Variants in AMPH observed in about 807,000 individuals in gnomAD.
The protein encoded by AMPH is amphiphysin (Stiff-Mann syndrome with breast cancer 128kD autoantigen).
Under a neutral mutation model 99.1 loss-of-function variants are expected in AMPH, and 49 were observed. That is an observed-to-expected ratio of 0.49 (90% confidence interval 0.39 to 0.63). The LOEUF is 0.63. Among genes scored for constraint, AMPH ranks in the 20% least tolerant of loss-of-function variants. The pLI, the probability that AMPH is intolerant of heterozygous loss-of-function variation, is 0.00. For missense variants in AMPH, 759 were observed against 863.4 expected (o/e 0.88, Z 1.52); for synonymous variants, 314 against 317.3 (o/e 0.99, Z 0.11).
intron 20 of AMPH, among the ~76,000 whole-genome samples, 176 bp from the exon 21 acceptor site, chr7:38,385,101 T>TAA (rs34834299): frequency 2.5e-4 from 36 of 143,964 alleles, no homozygotes; most frequent in South Asian, 6.6e-4. Context: ...AGTTGTTAGT[T>TAA]AAAAAAAAAA....
chr7:38,465,798 A>G (rs1787629920), intron 8 of AMPH, among the ~76,000 whole-genome samples: 1 of 152,256 alleles, frequency 6.6e-6, no homozygotes, highest in African/African-American at 2.4e-5. Flanking sequence ...GGCAGAAAAC[A>G]AAAGCTTACT....
chr7:38,556,996 T>C (rs1442585321), intron 1 of AMPH, among the ~76,000 whole-genome samples: 1 of 152,136 alleles, frequency 6.6e-6, no homozygotes, highest in Non-Finnish European at 1.5e-5. Context: ...AATACTATGC[T>C]TCAGTTCATT....
chr7:38,497,181 T>C (rs1788961904), intron 3 of AMPH, among the ~76,000 whole-genome samples: 1 of 152,060 alleles, frequency 6.6e-6, no homozygotes, highest in Non-Finnish European at 1.5e-5. Flanking sequence ...CTGGCAGAGC[T>C]TTTAGGGATT....
At chr7:38,615,398 A>T (rs1307475530) in intron 1 of AMPH, among the ~76,000 whole-genome samples, 3 of 152,134 alleles carry the variant, frequency 2.0e-5, no homozygotes, top group Non-Finnish European at 4.4e-5. Context: ...CCCTTCATTA[A>T]GTCTAAAAAG....
At chr7:38,588,375 C>T (rs564854799) in intron 1 of AMPH, among the ~76,000 whole-genome samples, 1 of 152,252 alleles carries the variant, frequency 6.6e-6, no homozygotes, top group African/African-American at 2.4e-5. Flanking sequence ...TAGTGGGGAT[C>T]CATATCATCT....
intron 16 of AMPH, among the ~76,000 whole-genome samples, chr7:38,421,617 A>G (rs933452679): frequency 6.6e-6 from 1 of 152,256 alleles, no homozygotes; most frequent in East Asian, 1.9e-4. Flanking sequence ...ATAGTTTAAA[A>G]GAAATCATTC....
In AMPH at chr7:38,391,729, A is replaced by C; in HGVS notation, c.1878+19T>G. 1 of 1,605,710 alleles carries C rather than the reference A, an allele frequency of 6.2e-7. No individual in the cohort carries two copies. The highest frequency in any genetic ancestry group is 8.5e-7 in the Non-Finnish European group (1 of 1,177,796). ...TTAAAGCAAAAAAAGGATAAATGAGACTTAAAAAATAAGAATACCTTGTAG... is the reference window on the plus strand; with the variant it reads ...TTAAAGCAAAAAAAGGATAAATGAGCCTTAAAAAATAAGAATACCTTGTAG... On this transcript the variant is annotated intron_variant, in intron 19 of 20. Coordinates refer to ENST00000356264, the MANE Select transcript of AMPH (RefSeq NM_001635.4).
Position 38,462,084 on chromosome 7 carries a change from C to T in AMPH, c.889-673G>A, listed in dbSNP as rs567038403. Among the ~76,000 whole-genome samples the T allele has an allele frequency of 3.3e-5, 5 of 152,244 alleles. No homozygotes were observed. In the South Asian group the frequency reaches 1.0e-3, roughly 32 times the overall value. ...CACTTCCCAGTTAGCCCTGTGATCA[C>T]GAGGGTAAATGACTGCTATTATGTT... On this transcript the variant is annotated intron_variant, in intron 10 of 20. Coordinates refer to ENST00000356264, the MANE Select transcript of AMPH (RefSeq NM_001635.4).
chr7:38,492,877 A>T (rs143516129), intron 4 of AMPH, among the ~76,000 whole-genome samples: 82 of 152,320 alleles, frequency 5.4e-4, no homozygotes, highest in African/African-American at 1.8e-3. Flanking sequence ...ATTTTTAGTT[A>T]TACCACTAAT....
chr7:38,478,884 T>C (rs73692398), intron 5 of AMPH, among the ~76,000 whole-genome samples: 7,498 of 152,102 alleles, frequency 0.049, 421 homozygotes, highest in East Asian at 0.29. Flanking sequence ...ATAAATAGTG[T>C]ACTTGAAGAC....
intron 1 of AMPH, among the ~76,000 whole-genome samples, chr7:38,584,641 G>A (rs1171511762): frequency 6.6e-6 from 1 of 152,164 alleles, no homozygotes; most frequent in Non-Finnish European, 1.5e-5. Context: ...TCATGTGGCA[G>A]AAAAGGAAAA....
chr7:38,463,298 C>T (rs1431963864), intron 9 of AMPH, 185 bp from the exon 10 acceptor site: 6 of 753,538 alleles, frequency 8.0e-6, no homozygotes, highest in Non-Finnish European at 1.4e-5. Flanking sequence ...TTTATTTGCA[C>T]TACAGAGACC....
intron 19 of AMPH, among the ~76,000 whole-genome samples, chr7:38,391,160 A>G (rs983626829): frequency 2.0e-5 from 3 of 152,206 alleles, no homozygotes; most frequent in Non-Finnish European, 2.9e-5. Context: ...GTTTTTAGGT[A>G]TTTACTAAGT....
In AMPH at chr7:38,429,839, T is replaced by C. The variant is rs1785936236; in HGVS notation, c.1182+3A>G. The C allele has an allele frequency of 4.4e-6, 7 of 1,605,372 alleles. No individual in the cohort carries two copies. Among genetic ancestry groups the C allele is most frequent in the Non-Finnish European group, 5.1e-6 (6 of 1,177,880 alleles). ...ATCCAGAATGATCTGGATATTTACC[T>C]ACCGGCTGTACCAAATCAGTGCTTG... On this transcript the variant is annotated splice_donor_region_variant and intron_variant, in intron 14 of 20. Transcript: ENST00000356264.
At chr7:38,415,386 C>T (rs1785343630) in intron 17 of AMPH, among the ~76,000 whole-genome samples, 1 of 152,150 alleles carries the variant, frequency 6.6e-6, no homozygotes, top group African/African-American at 2.4e-5. Flanking sequence ...CATGTCAACT[C>T]AACGCTGACT....
intron 3 of AMPH, among the ~76,000 whole-genome samples, chr7:38,497,351 T>C (rs935242229): frequency 3.3e-5 from 5 of 152,174 alleles, no homozygotes; most frequent in Non-Finnish European, 5.9e-5. Context: ...ATTAGTGATT[T>C]CTAAAACTGT....
At chr7:38,522,406 T>G (rs908046723) in intron 2 of AMPH, among the ~76,000 whole-genome samples, 8 of 152,298 alleles carry the variant, frequency 5.3e-5, no homozygotes, top group Non-Finnish European at 1.0e-4. Context: ...TTGAATTAGG[T>G]GCCAGTATTT....
intron 1 of AMPH, among the ~76,000 whole-genome samples, chr7:38,604,282 T>C (rs781426089): frequency 4.6e-5 from 7 of 152,200 alleles, no homozygotes; most frequent in Admixed American, 3.9e-4. Flanking sequence ...AATCATACAT[T>C]GTGCAGGCAG....
intron 1 of AMPH, among the ~76,000 whole-genome samples, chr7:38,547,291 T>A (rs553217166): frequency 6.6e-6 from 1 of 152,226 alleles, no homozygotes; most frequent in East Asian, 1.9e-4. Context: ...CTCAAAATCT[T>A]CCACTACCTT....
Sources: allele counts gnomAD v4.1 joint callset (sites outside exome capture counted in the v4.1 genomes callset), GRCh38; gene constraint gnomAD v4.1.1; transcripts MANE v1.5; gene names NCBI Gene and HGNC (gene_info 2026-07-23, HGNC 2026-07-21).